NPAS3: variants seen among roughly 807,000 people sequenced by gnomAD.
NPAS3 encodes the protein neuronal PAS domain protein 3.
Under a neutral mutation model 73.1 loss-of-function variants are expected in NPAS3, and 14 were observed. The observed-to-expected ratio is 0.19, with a 90% CI of 0.13 to 0.30. The LOEUF (loss-of-function observed/expected upper bound fraction) is 0.30, where lower values mean the gene tolerates loss of function less well. Ranked by LOEUF, NPAS3 falls within the 10% of genes least tolerant of loss-of-function variation. The probability of loss-of-function intolerance (pLI) is 1.00; values close to 1 mark genes in which losing one functional copy is unlikely to be tolerated. For missense variants in NPAS3, 1,096 were observed against 1,250.0 expected (o/e 0.88, Z 1.86); for synonymous variants, 620 against 541.5 (o/e 1.14, Z -2.01).
intron 4 of NPAS3, among the ~76,000 whole-genome samples, chr14:33,451,150 A>G (rs911092347): frequency 6.6e-6 from 1 of 152,212 alleles, no homozygotes; most frequent in Non-Finnish European, 1.5e-5. Flanking sequence ...TCTGGCACAT[A>G]AAAAATACAT....
At chr14:32,938,485 T>TAGAGAGAGAGAGAGAGAGAGAGAGAGAG (rs1491191135), upstream of NPAS3, among the ~76,000 whole-genome samples, 38 of 21,774 alleles carry the variant, frequency 1.7e-3, 5 homozygotes, top group East Asian at 0.011. Flanking sequence ...GAGAGAGAAA[T>TAGAGAGAGAGAGAGAGAGAGAGAGAGAG]TGAGAGAGAG....
intron 2 of NPAS3, among the ~76,000 whole-genome samples, chr14:33,069,274 G>A (rs894200688): frequency 9.9e-5 from 15 of 152,154 alleles, no homozygotes; most frequent in Admixed American, 6.5e-4. Context: ...CCTTTCCCTC[G>A]TAAACTTAGA....
intron 2 of NPAS3, among the ~76,000 whole-genome samples, chr14:33,136,786 A>C (rs988246666): frequency 2.8e-4 from 43 of 152,206 alleles, no homozygotes; most frequent in Non-Finnish European, 5.7e-4. Context: ...TGGCCTTTGC[A>C]TCTGGGATTA....
chr14:33,423,835 T>C (rs1379438697), intron 4 of NPAS3, among the ~76,000 whole-genome samples: 1 of 151,942 alleles, frequency 6.6e-6, no homozygotes, highest in Admixed American at 6.6e-5. Flanking sequence ...GAATGACAGA[T>C]TCTAGAAAGT....
chr14:33,112,860 A>G (rs1279327), intron 2 of NPAS3, among the ~76,000 whole-genome samples: 132,037 of 152,192 alleles, frequency 0.87, 57,386 homozygotes, highest in Middle Eastern at 0.95. Context: ...GTAAGGAAGG[A>G]ATCCAGTTTC....
At chr14:33,281,284 C>CT (rs1336012742) in intron 3 of NPAS3, among the ~76,000 whole-genome samples, 1 of 152,140 alleles carries the variant, frequency 6.6e-6, no homozygotes, top group Non-Finnish European at 1.5e-5. Flanking sequence ...AATTTATTGA[C>CT]TATCATCTTT....
intron 1 of NPAS3, among the ~76,000 whole-genome samples, chr14:33,054,901 C>T (rs543606498): frequency 5.7e-4 from 86 of 152,166 alleles, no homozygotes; most frequent in African/African-American, 2.0e-3. Context: ...CGTGAGCCAC[C>T]GCACCTGGCC....
intron 1 of NPAS3, among the ~76,000 whole-genome samples, chr14:33,015,519 G>A (rs576336151): frequency 1.3e-5 from 2 of 152,302 alleles, no homozygotes; most frequent in South Asian, 4.1e-4. Flanking sequence ...CTAAATTACA[G>A]CATAAGGAGT....
At chr14:33,695,095 G>A (rs1260909735) in intron 6 of NPAS3, among the ~76,000 whole-genome samples, 1 of 152,164 alleles carries the variant, frequency 6.6e-6, no homozygotes, top group African/African-American at 2.4e-5. Flanking sequence ...CTTGTCCTTT[G>A]AGGTTCTACT....
intron 6 of NPAS3, among the ~76,000 whole-genome samples, chr14:33,725,465 T>G (rs1261597547): frequency 6.6e-6 from 1 of 152,116 alleles, no homozygotes; most frequent in African/African-American, 2.4e-5. Context: ...ATTATGGGGA[T>G]TTTTTTAAAT....
At chr14:33,171,029 T>A (rs575064665) in intron 2 of NPAS3, among the ~76,000 whole-genome samples, 1 of 152,306 alleles carries the variant, frequency 6.6e-6, no homozygotes, top group East Asian at 1.9e-4. Flanking sequence ...AGTGACAGTC[T>A]TATGAAATGC....
At chr14:33,621,604 T>C (rs2058076822) in intron 5 of NPAS3, among the ~76,000 whole-genome samples, 1 of 152,152 alleles carries the variant, frequency 6.6e-6, no homozygotes, top group South Asian at 2.1e-4. Flanking sequence ...TTGGCTAATA[T>C]GGATTTTCAT....
intron 3 of NPAS3, among the ~76,000 whole-genome samples, chr14:33,310,308 A>G (rs966149646): frequency 8.5e-5 from 13 of 152,130 alleles, no homozygotes; most frequent in Non-Finnish European, 8.8e-5. Context: ...CATCTGAAAA[A>G]AAAAAAGTAT....
At chr14:33,273,360 G>A (rs2041185567) in intron 3 of NPAS3, among the ~76,000 whole-genome samples, 1 of 152,160 alleles carries the variant, frequency 6.6e-6, no homozygotes, top group African/African-American at 2.4e-5. Flanking sequence ...TCCACACAGG[G>A]TAGGAGTTAA....
intron 3 of NPAS3, among the ~76,000 whole-genome samples, chr14:33,260,862 T>C (rs983763272): frequency 3.3e-5 from 5 of 152,206 alleles, no homozygotes; most frequent in African/African-American, 1.2e-4. Flanking sequence ...GACTATATTT[T>C]GCCTGTTGAA....
chr14:32,938,482 A>AGAGAGAGAGAG (rs2035781447), upstream of NPAS3, among the ~76,000 whole-genome samples: 3 of 15,056 alleles, frequency 2.0e-4, no homozygotes, highest in Admixed American at 3.8e-4. Context: ...AGAGAGAGAG[A>AGAGAGAGAGAG]AATTGAGAGA....
At chr14:33,001,074 A>AC in intron 1 of NPAS3, among the ~76,000 whole-genome samples, 1 of 152,332 alleles carries the variant, frequency 6.6e-6, no homozygotes, top group East Asian at 1.9e-4. Flanking sequence ...ATCAAAGGTT[A>AC]CTTTTTTACA....
intron 6 of NPAS3, among the ~76,000 whole-genome samples, chr14:33,691,434 G>A (rs183204621): frequency 6.6e-6 from 1 of 152,274 alleles, no homozygotes; most frequent in East Asian, 1.9e-4. Flanking sequence ...TCAATTGCGT[G>A]TCATGCCTTT....
At position 33,630,728 on chromosome 14, in the gene NPAS3, G is replaced by GC. The variant is rs928259950; in HGVS notation, c.559-45476dup. On this transcript the variant is annotated intron_variant, in intron 5 of 11. Coordinates refer to ENST00000356141, the Ensembl canonical transcript of NPAS3. The stretch of plus-strand genomic sequence containing the variant: ...ATTGTCAAATAATGAATCAATATAT[G>GC]CCCCCCCAGGATGGAGAAGGGAGGG... Among the ~76,000 whole-genome samples, 256 of 152,086 alleles carry GC rather than the reference G, an allele frequency of 1.7e-3. 1 individual carries two copies. Among genetic ancestry groups the GC allele is most frequent in the African/African-American group, 5.4e-3 (225 of 41,472 alleles).
Sources: gnomAD v4.1 joint callset for allele counts (sites outside exome capture counted in the v4.1 genomes callset) on GRCh38, gnomAD v4.1.1 for gene constraint, MANE v1.5 for transcripts, NCBI Gene and HGNC (gene_info 2026-07-23, HGNC 2026-07-21) for gene names.